Variants in CCDC39 observed in about 807,000 individuals in gnomAD.
The protein encoded by CCDC39 is coiled-coil domain-containing protein 39.
A neutral mutation model predicts 121.0 loss-of-function variants in CCDC39; 113 were observed. The observed-to-expected ratio is 0.93, with a 90% CI of 0.80 to 1.09. The LOEUF is 1.09. CCDC39 is among the 50% of genes least tolerant of loss of function. The pLI is 0.00. For missense variants in CCDC39, 1,063 were observed against 1,074.7 expected, an observed-to-expected ratio of 0.99 and a Z score of 0.15; for synonymous variants, 349 against 352.2, an observed-to-expected ratio of 0.99 and a Z score of 0.10.
chr3:180,671,210 C>CAAA (rs67323828), intron 1 of CCDC39, among the ~76,000 whole-genome samples: 1 of 78,386 alleles, frequency 1.3e-5, no homozygotes, highest in Admixed American at 1.4e-4. Flanking sequence ...GACTCTGTGT[C>CAAA]AAAAAAAAAA....
chr3:180,665,403 G>A (rs1179641580), intron 1 of CCDC39, among the ~76,000 whole-genome samples: 1 of 152,094 alleles, frequency 6.6e-6, no homozygotes, highest in African/African-American at 2.4e-5. Context: ...CCCAAAGTCA[G>A]GGATATCTCC....
At chr3:180,635,611 C>G (rs1010977535) in intron 13 of CCDC39, among the ~76,000 whole-genome samples, 3 of 152,174 alleles carry the variant, frequency 2.0e-5, no homozygotes, top group African/African-American at 7.2e-5. Context: ...CCTTAAAGCT[C>G]CAGAATAATC....
intron 14 of CCDC39, 98 bp from the exon 15 acceptor site, chr3:180,620,068 C>A: frequency 1.1e-6 from 1 of 913,734 alleles, no homozygotes; most frequent in South Asian, 2.1e-5. Context: ...TGACTTGTGA[C>A]AATAACAGTT....
chr3:180,647,312 A>T (rs1718094404), intron 10 of CCDC39, 69 bp from the exon 11 acceptor site: 1 of 1,337,654 alleles, frequency 7.5e-7, no homozygotes, highest in Admixed American at 2.7e-5. Context: ...GTAAAAACAA[A>T]GTGAATACTT....
chr3:180,679,267 C>A lies in CCDC39; in HGVS notation c.90+24G>T. On this transcript the variant is annotated intron_variant, in intron 1 of 19. Transcript: ENST00000476379. The surrounding 1 kb of genome is among the most constrained non-coding windows in gnomAD (Gnocchi z 4.0). ...CCCCAACAGGCTCTCTCTGCTTCCT[C>A]CCGCCTGCTTCAATTGATCTCACCT... 1 of 1,602,828 alleles carries A rather than the reference C, an allele frequency of 6.2e-7. No individual in the cohort carries two copies. The highest frequency in any genetic ancestry group is 8.5e-7 in the Non-Finnish European group (1 of 1,169,726).
chr3:180,660,756 G>A (rs1257241066), intron 3 of CCDC39, 28 bp from the exon 4 acceptor site: 3 of 1,577,884 alleles, frequency 1.9e-6, no homozygotes, highest in Non-Finnish European at 2.6e-6. Flanking sequence ...AGAGAAAAGG[G>A]GAGATTACAA....
chr3:180,631,381 GT>G (rs1009201526), intron 14 of CCDC39, 87 bp downstream of exon 14: 8 of 1,263,290 alleles, frequency 6.3e-6, no homozygotes, highest in Non-Finnish European at 8.9e-6. Context: ...CAATATTGTT[GT>G]TTTTTTATTT....
At chr3:180,650,290 C>T (rs915472982) in intron 9 of CCDC39, among the ~76,000 whole-genome samples, 1 of 152,044 alleles carries the variant, frequency 6.6e-6, no homozygotes, top group Admixed American at 6.6e-5. Flanking sequence ...AAAGTTATAG[C>T]ATTTCAAAGC....
chr3:180,631,843 A>C (rs1207784646), intron 13 of CCDC39, among the ~76,000 whole-genome samples: 1 of 152,226 alleles, frequency 6.6e-6, no homozygotes, highest in Admixed American at 6.5e-5. Context: ...TTCAGTGTGA[A>C]GGATCTGATA....
intron 7 of CCDC39, among the ~76,000 whole-genome samples, chr3:180,653,523 T>C (rs1711515102): frequency 6.6e-6 from 1 of 152,186 alleles, no homozygotes; most frequent in South Asian, 2.1e-4. Flanking sequence ...TCTCTGTTAT[T>C]TAGGTTGACA....
At position 180,620,581 on chromosome 3, in the gene CCDC39, C is replaced by G. The variant is rs796410676; in HGVS notation, c.1999-611G>C. ...GCTAAGCGGTTCTCTAGAGCTGTAC[C>G]TAAACAATTCCAAAGAACGTCCTAA... On this transcript the variant is annotated intron_variant, in intron 14 of 19. Transcript: ENST00000476379. Among the ~76,000 whole-genome samples the G allele has an allele frequency of 1.3e-4, 20 of 151,822 alleles. 2 individuals carry two copies. Among genetic ancestry groups the G allele is most frequent in the African/African-American group, 4.8e-4 (20 of 41,446 alleles).
intron 13 of CCDC39, among the ~76,000 whole-genome samples, chr3:180,633,509 G>C (rs1050696129): frequency 2.0e-5 from 3 of 152,146 alleles, no homozygotes; most frequent in Admixed American, 1.3e-4. Context: ...TAAGAGCAGT[G>C]AAGAATAAAG....
chr3:180,651,816 T>C (rs528179777), intron 8 of CCDC39, among the ~76,000 whole-genome samples: 1 of 152,254 alleles, frequency 6.6e-6, no homozygotes, highest in East Asian at 1.9e-4. Flanking sequence ...GGCGGGCAGA[T>C]CACGAGGTCA....
chr3:180,639,356 A>G lies in CCDC39; in HGVS notation c.1874+2637T>C, dbSNP rs11914674. 1.0e-2 allele frequency among the ~76,000 whole-genome samples: 1,518 copies of G among 152,212 alleles called. 24 individuals are homozygous for G. The highest frequency in any genetic ancestry group is 0.035 in the African/African-American group (1,437 of 41,546). On this transcript the variant is annotated intron_variant, in intron 13 of 19. Transcript: ENST00000476379. ...AGAGTTGAGTGAGTTGAGTTATTCA[A>G]ACTATGACTGGAAGCAGCCTAAATG...
intron 16 of CCDC39, among the ~76,000 whole-genome samples, chr3:180,618,803 A>G (rs1031170025): frequency 3.9e-5 from 6 of 152,104 alleles, no homozygotes; most frequent in Non-Finnish European, 7.4e-5. Context: ...AATCCAGTCT[A>G]TCATTGTTGG....
Position 180,642,164 on chromosome 3 carries a change from A to G in CCDC39, c.1703T>C (p.Val568Ala). The G allele has an allele frequency of 6.2e-7, 1 of 1,609,026 alleles. No individual in the cohort carries two copies. Among genetic ancestry groups the G allele is most frequent in the Non-Finnish European group, 8.5e-7 (1 of 1,177,044 alleles). ...GTGAAGCATTTCTCGAGTACGCTTA[A>G]CTTCAAGTTTTAAAAGATTGTCCTC... ...MIEDNLLKLE[V>A]KRTREMLHSK... Residue 568 changes from valine (V) to alanine (A), a missense_variant, in exon 13 of 20, where the codon GTT (valine) becomes GCT (alanine). Val to Ala is a moderately conservative substitution (Grantham distance 64). Coordinates refer to ENST00000476379, the MANE Select transcript of CCDC39 (RefSeq NM_181426.2).
chr3:180,623,635 G>A (rs941674916), intron 14 of CCDC39, among the ~76,000 whole-genome samples: 2 of 151,516 alleles, frequency 1.3e-5, no homozygotes, highest in Non-Finnish European at 1.5e-5. Flanking sequence ...CTATCCCACA[G>A]GTTTTGGTAT....
At chr3:180,623,078 TTTATTATTA>T (rs60546376) in intron 14 of CCDC39, among the ~76,000 whole-genome samples, 19,481 of 144,908 alleles carry the variant, frequency 0.13, 1,635 homozygotes, top group Admixed American at 0.18. Context: ...TTTGGAGATT[TTTATTATTA>T]TTATTATTAT....
chr3:180,644,754 T>C (rs1718033810), intron 11 of CCDC39, among the ~76,000 whole-genome samples: 1 of 152,182 alleles, frequency 6.6e-6, no homozygotes, highest in African/African-American at 2.4e-5. Context: ...TAGGGAATAA[T>C]GACAAGAAAA....
Sources: gnomAD v4.1 joint callset for allele counts (sites outside exome capture counted in the v4.1 genomes callset) on GRCh38, gnomAD v4.1.1 for gene constraint, Gnocchi (gnomAD v3.1) non-coding constraint, MANE v1.5 for transcripts, NCBI Gene and HGNC (gene_info 2026-07-23, HGNC 2026-07-21) for gene names.